LYPLAL1: variants seen among roughly 807,000 people sequenced by gnomAD.
LYPLAL1 encodes lysophospholipase-like protein 1.
Under a neutral mutation model 19.7 loss-of-function variants are expected in LYPLAL1, and 23 were observed. The ratio of observed to expected loss-of-function variants is 1.17; its 90% confidence interval spans 0.84 to 1.65. The LOEUF is 1.65. LYPLAL1 is among the 40% of genes most tolerant of loss of function. The probability of loss-of-function intolerance (pLI) is 0.00; values close to 1 mark genes in which losing one functional copy is unlikely to be tolerated. For missense variants in LYPLAL1, 355 were observed against 279.4 expected, an observed-to-expected ratio of 1.27 and a Z score of -1.93; for synonymous variants, 119 against 96.3, an observed-to-expected ratio of 1.24 and a Z score of -1.38.
chr1:219,201,215 CTT>C (rs1361190650), intron 3 of LYPLAL1, among the ~76,000 whole-genome samples: 1 of 151,990 alleles, frequency 6.6e-6, no homozygotes, highest in Non-Finnish European at 1.5e-5. Flanking sequence ...CATAAAAAAA[CTT>C]TTAAAATCTT....
chr1:219,201,762 C>CT (rs1658122418), intron 3 of LYPLAL1, among the ~76,000 whole-genome samples: 1 of 152,126 alleles, frequency 6.6e-6, no homozygotes, highest in East Asian at 1.9e-4. Context: ...TAAATCTTCA[C>CT]TAAGTTTTAT....
rs889910196 is a variant in LYPLAL1, at chr1:219,200,348, A to T, written c.361+7097A>T. ...TTTTATAGCCATCATAAGAAAAAGT[A>T]TCTGACAGAGGAACACCATGGCCAA... is the stretch of plus-strand genomic sequence containing the variant. On this transcript the variant is annotated intron_variant, in intron 3 of 4. Transcript: ENST00000366928. 4 of 201,936 alleles carry T rather than the reference A, an allele frequency of 2.0e-5. No individual in the cohort carries two copies. In the South Asian group the frequency reaches 4.0e-4, roughly 20 times the overall value. The allele number at this position is 201,936 out of a possible 1,614,324, so 12.5% of individuals were successfully genotyped here. A position where few individuals can be genotyped will look rare whatever the true frequency, so the allele number is the denominator to read the frequency against.
At chr1:219,358,590 G>A in the LYPLAL1 span, among the ~76,000 whole-genome samples, 21 of 152,180 alleles carry the variant, frequency 1.4e-4, no homozygotes, top group Non-Finnish European at 2.9e-4. Context: ...TTACAGGGTG[G>A]CAGGCGAAAG....
the LYPLAL1 span, among the ~76,000 whole-genome samples, chr1:219,238,426 C>G: frequency 6.7e-6 from 1 of 149,408 alleles, no homozygotes; most frequent in African/African-American, 2.5e-5. Flanking sequence ...GCTGGGATTA[C>G]AGGCGTGAGC....
chr1:219,221,393 A>G, the LYPLAL1 span, among the ~76,000 whole-genome samples: 1 of 152,190 alleles, frequency 6.6e-6, no homozygotes, highest in Non-Finnish European at 1.5e-5. Context: ...AGATGTCACC[A>G]AAGCCAGGCT....
the LYPLAL1 span, among the ~76,000 whole-genome samples, chr1:219,285,627 C>T: frequency 6.6e-6 from 1 of 152,132 alleles, no homozygotes; most frequent in South Asian, 2.1e-4. Flanking sequence ...TGAAAGGCCA[C>T]ATATTGTATG....
At chr1:219,355,994 T>C in the LYPLAL1 span, among the ~76,000 whole-genome samples, 1 of 152,176 alleles carries the variant, frequency 6.6e-6, no homozygotes, top group Non-Finnish European at 1.5e-5. Context: ...GCCTTCTTTA[T>C]ACTATTAAAA....
At chr1:219,343,977 T>C in the LYPLAL1 span, among the ~76,000 whole-genome samples, 845 of 152,334 alleles carry the variant, frequency 5.5e-3, 7 homozygotes, top group Non-Finnish European at 7.1e-3. Flanking sequence ...TCTCTGATTT[T>C]TCTTTAAAGG....
chr1:219,224,135 C>G, the LYPLAL1 span, among the ~76,000 whole-genome samples: 33 of 152,202 alleles, frequency 2.2e-4, no homozygotes, highest in African/African-American at 7.9e-4. Flanking sequence ...CCATGAGAGA[C>G]AGAAGTCTTT....
chr1:219,219,738 G>A, the LYPLAL1 span, among the ~76,000 whole-genome samples: 8 of 152,192 alleles, frequency 5.3e-5, no homozygotes, highest in African/African-American at 1.9e-4. Context: ...GCATGTGTCT[G>A]TGTAAACTCA....
the LYPLAL1 span, among the ~76,000 whole-genome samples, chr1:219,329,928 A>G: frequency 5.3e-5 from 8 of 151,848 alleles, no homozygotes; most frequent in Non-Finnish European, 8.8e-5. Flanking sequence ...TTATGACTGT[A>G]TCTTTTGACC....
At chr1:219,404,014 C>T in the LYPLAL1 span, among the ~76,000 whole-genome samples, 1 of 152,074 alleles carries the variant, frequency 6.6e-6, no homozygotes, top group East Asian at 1.9e-4. Flanking sequence ...GGGCTTTCTT[C>T]CTGGCTTGCA....
At chr1:219,341,945 A>C in the LYPLAL1 span, among the ~76,000 whole-genome samples, 1 of 152,164 alleles carries the variant, frequency 6.6e-6, no homozygotes, top group Non-Finnish European at 1.5e-5. Flanking sequence ...AATTAAGGTC[A>C]GGCTGGGGAA....
At chr1:219,416,540 A>T in the LYPLAL1 span, among the ~76,000 whole-genome samples, 8,194 of 152,278 alleles carry the variant, frequency 0.054, 306 homozygotes, top group South Asian at 0.11. Context: ...CTGCACCCAG[A>T]GTCAGCAACA....
At chr1:219,371,773 CACAAG>C in the LYPLAL1 span, among the ~76,000 whole-genome samples, 1 of 151,628 alleles carries the variant, frequency 6.6e-6, no homozygotes, top group African/African-American at 2.4e-5. Flanking sequence ...TTTGTCTGTA[CACAAG>C]TCTTTTACTA....
the LYPLAL1 span, among the ~76,000 whole-genome samples, chr1:219,281,700 T>C: frequency 6.6e-6 from 1 of 152,134 alleles, no homozygotes; most frequent in Non-Finnish European, 1.5e-5. Flanking sequence ...GTGTCTCGCC[T>C]CAATCATACC....
the LYPLAL1 span, among the ~76,000 whole-genome samples, chr1:219,392,082 A>G: frequency 1.3e-5 from 2 of 152,108 alleles, no homozygotes; most frequent in Admixed American, 6.6e-5. Context: ...AGAAACACAA[A>G]AAAAGCATCT....
At chr1:219,215,870 C>G (rs188685581), downstream of LYPLAL1, among the ~76,000 whole-genome samples, 6 of 152,182 alleles carry the variant, frequency 3.9e-5, no homozygotes, top group African/African-American at 1.4e-4. Context: ...GTGTTTCTTT[C>G]TTTGTTTCAG....
the LYPLAL1 span, among the ~76,000 whole-genome samples, chr1:219,339,870 G>A: frequency 6.6e-6 from 1 of 151,934 alleles, no homozygotes; most frequent in South Asian, 2.1e-4. Context: ...TGAGAGACTT[G>A]ACTAACCAAA....
Sources: gnomAD v4.1 joint callset for allele counts (sites outside exome capture counted in the v4.1 genomes callset) on GRCh38, gnomAD v4.1.1 for gene constraint, MANE v1.5 for transcripts, NCBI Gene and HGNC (gene_info 2026-07-23, HGNC 2026-07-21) for gene names.